NTRK3: variants seen among roughly 807,000 people sequenced by gnomAD.
NTRK3 encodes neurotrophic receptor tyrosine kinase 3, also known as NT-3 growth factor receptor.
Under a neutral mutation model 91.7 loss-of-function variants are expected in NTRK3, and 24 were observed. The observed-to-expected ratio is 0.26, with a 90% CI of 0.19 to 0.37. The LOEUF (loss-of-function observed/expected upper bound fraction) is 0.37, where lower values mean the gene tolerates loss of function less well. Among genes scored for constraint, NTRK3 ranks in the 10% least tolerant of loss-of-function variants. The probability of loss-of-function intolerance (pLI) is 1.00; values close to 1 mark genes in which losing one functional copy is unlikely to be tolerated. For missense variants in NTRK3, 880 were observed against 1,068.9 expected, an observed-to-expected ratio of 0.82 and a Z score of 2.46; for synonymous variants, 483 against 404.0, an observed-to-expected ratio of 1.20 and a Z score of -2.34.
At chr15:88,232,847 C>T (rs1321649744) in intron 3 of NTRK3, among the ~76,000 whole-genome samples, 1 of 152,146 alleles carries the variant, frequency 6.6e-6, no homozygotes, top group Admixed American at 6.5e-5. Context: ...TCATTCAACC[C>T]TAAAGAGTTT....
At chr15:87,953,639 G>C (rs1243587694) in intron 14 of NTRK3, among the ~76,000 whole-genome samples, 1 of 152,140 alleles carries the variant, frequency 6.6e-6, no homozygotes, top group Non-Finnish European at 1.5e-5. Context: ...GGCCCCAGAA[G>C]AACCAAGGTG....
At chr15:88,157,438 G>A (rs1413215784) in intron 5 of NTRK3, among the ~76,000 whole-genome samples, 1 of 152,122 alleles carries the variant, frequency 6.6e-6, no homozygotes, top group East Asian at 1.9e-4. Flanking sequence ...CTTCTGGTCT[G>A]TGCTGCCTCG....
chr15:88,011,012 C>T (rs754212637), intron 14 of NTRK3, among the ~76,000 whole-genome samples: 3 of 152,186 alleles, frequency 2.0e-5, no homozygotes, highest in Non-Finnish European at 4.4e-5. Context: ...AAAAAAAATC[C>T]ATCCTTTTGG....
chr15:88,011,985 C>A (rs920874960), intron 14 of NTRK3, among the ~76,000 whole-genome samples: 1 of 152,178 alleles, frequency 6.6e-6, no homozygotes, highest in Admixed American at 6.5e-5. Flanking sequence ...GAGGCAGATC[C>A]TCCCATTAGT....
intron 14 of NTRK3, among the ~76,000 whole-genome samples, chr15:87,996,439 A>C: frequency 6.6e-6 from 1 of 152,022 alleles, no homozygotes; most frequent in East Asian, 1.9e-4. Context: ...GAGGGATGCA[A>C]AGGTAGAGCT....
At chr15:88,081,069 T>C (rs1040497162) in intron 13 of NTRK3, among the ~76,000 whole-genome samples, 1 of 152,182 alleles carries the variant, frequency 6.6e-6, no homozygotes, top group Non-Finnish European at 1.5e-5. Flanking sequence ...GAGCTGTGTA[T>C]AGTTCACTTC....
intron 14 of NTRK3, among the ~76,000 whole-genome samples, chr15:88,012,783 T>C (rs1470625518): frequency 6.6e-6 from 1 of 152,246 alleles, no homozygotes; most frequent in African/African-American, 2.4e-5. Context: ...TATACTGTGC[T>C]TCTCATACTT....
exon 18 of NTRK3, chr15:87,880,276 G>A (rs1428394249): frequency 7.4e-6 from 12 of 1,614,026 alleles, no homozygotes; most frequent in Non-Finnish European, 1.0e-5. Context: ...TTACCTCCGT[G>A]TTTGAGAGTT....
intron 17 of NTRK3, among the ~76,000 whole-genome samples, chr15:87,881,879 G>A (rs749741305): frequency 2.0e-5 from 3 of 151,966 alleles, no homozygotes; most frequent in Non-Finnish European, 4.4e-5. Context: ...ATACAAGTTT[G>A]CAGAGCAGTT....
At chr15:88,159,942 C>CTACACA (rs1187038335) in intron 5 of NTRK3, among the ~76,000 whole-genome samples, 539 of 38,704 alleles carry the variant, frequency 0.014, 8 homozygotes, top group African/African-American at 0.036. Context: ...ACCCAGCCTC[C>CTACACA]TACACACACA....
intron 17 of NTRK3, among the ~76,000 whole-genome samples, chr15:87,907,887 A>G (rs1284335241): frequency 4.6e-5 from 7 of 152,162 alleles, no homozygotes; most frequent in Non-Finnish European, 1.0e-4. Flanking sequence ...GGGGAGGGCA[A>G]AAGCCTCCCT....
chr15:87,963,166 T>C (rs2072464382), intron 14 of NTRK3, among the ~76,000 whole-genome samples: 1 of 151,946 alleles, frequency 6.6e-6, no homozygotes, highest in Non-Finnish European at 1.5e-5. Flanking sequence ...ATCCACTGGA[T>C]ACCTGCAGTC....
intron 13 of NTRK3, among the ~76,000 whole-genome samples, chr15:88,095,974 C>T (rs1176959487): frequency 6.6e-6 from 1 of 152,116 alleles, no homozygotes; most frequent in Non-Finnish European, 1.5e-5. Context: ...TTTAGCAGCC[C>T]AGCATTCATT....
chr15:88,136,537 T>C (rs745581273), exon 8 of NTRK3: 3 of 1,613,998 alleles, frequency 1.9e-6, no homozygotes, highest in Non-Finnish European at 2.5e-6. Flanking sequence ...TCCAGAGCCA[T>C]TGCAAGTGAT....
At chr15:87,986,182 C>G (rs1039213578) in intron 14 of NTRK3, among the ~76,000 whole-genome samples, 1 of 152,212 alleles carries the variant, frequency 6.6e-6, no homozygotes, top group South Asian at 2.1e-4. Flanking sequence ...TATTAATAAT[C>G]TATCTTCATT....
At chr15:88,076,041 G>T (rs1375994909) in intron 13 of NTRK3, among the ~76,000 whole-genome samples, 1 of 152,206 alleles carries the variant, frequency 6.6e-6, no homozygotes, top group Non-Finnish European at 1.5e-5. Context: ...GCATCACAGA[G>T]CATGTATTAG....
At chr15:87,861,722 C>G (rs1378855733) in exon 19 of NTRK3, 1 of 194,970 alleles carries the variant, frequency 5.1e-6, no homozygotes, top group Non-Finnish European at 1.1e-5. Context: ...CTGAGCTCAC[C>G]TCTAAAGAGG....
intron 3 of NTRK3, among the ~76,000 whole-genome samples, chr15:88,226,032 G>A (rs1022981976): frequency 1.3e-5 from 2 of 152,242 alleles, no homozygotes; most frequent in African/African-American, 4.8e-5. Context: ...GAAGTCGAGA[G>A]AACACTGGAT....
intron 14 of NTRK3, among the ~76,000 whole-genome samples, chr15:88,010,666 T>C (rs1567223678): frequency 6.6e-6 from 1 of 152,158 alleles, no homozygotes; most frequent in Non-Finnish European, 1.5e-5. Flanking sequence ...ATATGCATTA[T>C]ATTTTTGTCC....
Sources: allele counts gnomAD v4.1 joint callset (sites outside exome capture counted in the v4.1 genomes callset), GRCh38; gene constraint gnomAD v4.1.1; transcripts MANE v1.5; gene names NCBI Gene and HGNC (gene_info 2026-07-23, HGNC 2026-07-21).